Variants in FRAS1 observed in about 807,000 individuals in gnomAD.
The protein encoded by FRAS1 is Fraser extracellular matrix complex subunit 1, also known as extracellular matrix organizing protein FRAS1.
Under a neutral mutation model 435.2 loss-of-function variants are expected in FRAS1, and 290 were observed. That is an observed-to-expected ratio of 0.67 (90% CI 0.61 to 0.73). FRAS1 has a LOEUF of 0.73. FRAS1 is among the 30% of genes least tolerant of loss of function. FRAS1 has a pLI of 0.00. For missense variants in FRAS1, 4,860 were observed against 5,001.5 expected, an observed-to-expected ratio of 0.97 and a Z score of 0.85; for synonymous variants, 1,800 against 1,851.0, an observed-to-expected ratio of 0.97 and a Z score of 0.71.
intron 2 of FRAS1, among the ~76,000 whole-genome samples, chr4:78,145,879 C>G (rs1720399388): frequency 6.6e-6 from 1 of 152,120 alleles, no homozygotes; most frequent in Non-Finnish European, 1.5e-5. Flanking sequence ...CTCACGAGGT[C>G]TGATGATTTT....
rs1169614836 is a variant in FRAS1 at position 78,286,464 on chromosome 4, C to T, written c.1459C>T (p.Pro487Ser). ...GCTGGAGTGCTCATCCTGCCAGCCTCCCCTGCTGATGCGGCACGGGCAGTG... is the reference window on the plus strand; with the variant it reads ...GCTGGAGTGCTCATCCTGCCAGCCTTCCCTGCTGATGCGGCACGGGCAGTG... ...SGLECSSCQP[P>S]LLMRHGQCVP... Residue 487 changes from proline to serine, a missense_variant, in exon 14 of 74, where the codon CCC becomes TCC. Transcript: ENST00000512123. 3 of 1,613,582 alleles carry T rather than the reference C, an allele frequency of 1.9e-6. No homozygotes were observed. The highest frequency in any genetic ancestry group is 2.7e-5 in the African/African-American group (2 of 74,918).
chr4:78,511,931 C>T (rs1721055906), intron 64 of FRAS1, among the ~76,000 whole-genome samples: 1 of 152,196 alleles, frequency 6.6e-6, no homozygotes, highest in South Asian at 2.1e-4. Flanking sequence ...CTCCTGGCTT[C>T]TCTGGCACCT....
chr4:78,191,604 A>G (rs1207390173), intron 2 of FRAS1, among the ~76,000 whole-genome samples: 2 of 150,736 alleles, frequency 1.3e-5, no homozygotes, highest in Non-Finnish European at 2.9e-5. Flanking sequence ...GGTTTGTTAC[A>G]CATGTATACA....
chr4:78,192,029 T>C (rs1328878903), intron 2 of FRAS1, among the ~76,000 whole-genome samples: 1 of 152,206 alleles, frequency 6.6e-6, no homozygotes, highest in African/African-American at 2.4e-5. Context: ...TACAGCAGCA[T>C]GATTTATAAT....
intron 2 of FRAS1, among the ~76,000 whole-genome samples, chr4:78,133,953 G>GTTTT (rs776528593): frequency 6.7e-5 from 9 of 133,964 alleles, no homozygotes; most frequent in African/African-American, 2.0e-4. Context: ...GATGGACTAG[G>GTTTT]TTTTTTTTTT....
At chr4:78,163,734 G>C (rs547321299) in intron 2 of FRAS1, among the ~76,000 whole-genome samples, 1 of 152,214 alleles carries the variant, frequency 6.6e-6, no homozygotes, top group East Asian at 1.9e-4. Context: ...AAGTCACAAC[G>C]TGACATATGA....
intron 2 of FRAS1, among the ~76,000 whole-genome samples, chr4:78,180,578 T>C (rs2110049603): frequency 6.6e-6 from 1 of 152,304 alleles, no homozygotes. Context: ...AATGCATATT[T>C]GCAAGCAGCA....
chr4:78,214,002 G>A (rs1270328351), intron 2 of FRAS1, among the ~76,000 whole-genome samples: 4 of 152,198 alleles, frequency 2.6e-5, no homozygotes, highest in African/African-American at 9.7e-5. Flanking sequence ...AATTTAGCAC[G>A]GAGCTGGAAC....
intron 2 of FRAS1, among the ~76,000 whole-genome samples, chr4:78,115,553 C>T (rs2109949887): frequency 6.6e-6 from 1 of 152,182 alleles, no homozygotes; most frequent in Middle Eastern, 3.4e-3. Flanking sequence ...CTGGTTTGGT[C>T]TTGGGAGGGT....
chr4:78,124,497 T>A (rs1339365512), intron 2 of FRAS1, among the ~76,000 whole-genome samples: 1 of 152,186 alleles, frequency 6.6e-6, no homozygotes, highest in Non-Finnish European at 1.5e-5. Flanking sequence ...TAAAATGAGT[T>A]AGGGAGGATT....
At chr4:78,342,019 A>G (rs941693326) in intron 20 of FRAS1, among the ~76,000 whole-genome samples, 44 of 152,150 alleles carry the variant, frequency 2.9e-4, no homozygotes, top group Admixed American at 2.4e-3. Context: ...CTTTTATCTA[A>G]ACTCAGGAAG....
chr4:78,151,247 T>TA (rs1720648214), intron 2 of FRAS1, among the ~76,000 whole-genome samples: 1 of 152,198 alleles, frequency 6.6e-6, no homozygotes, highest in Non-Finnish European at 1.5e-5. Context: ...GCTTTTTTTT[T>TA]ACACCTCAGT....
At chr4:78,326,199 G>T (rs554928068) in intron 18 of FRAS1, among the ~76,000 whole-genome samples, 5 of 152,290 alleles carry the variant, frequency 3.3e-5, no homozygotes, top group African/African-American at 1.2e-4. Flanking sequence ...AACAGGGTAG[G>T]GCTGGTTAGG....
intron 2 of FRAS1, among the ~76,000 whole-genome samples, chr4:78,204,088 G>C (rs1455040940): frequency 3.3e-5 from 5 of 152,178 alleles, no homozygotes; most frequent in Admixed American, 3.3e-4. Flanking sequence ...TGTTGGCCAT[G>C]AGTTCAAAGT....
intron 32 of FRAS1, among the ~76,000 whole-genome samples, chr4:78,416,614 C>A: frequency 6.6e-6 from 1 of 151,992 alleles, no homozygotes; most frequent in East Asian, 1.9e-4. Context: ...CTGGGATATG[C>A]TGGTGAAGGG....
rs772863313 is a variant in FRAS1, at chr4:78,475,578, A to G, written c.7823A>G (p.Gln2608Arg). Residue 2608 changes from glutamine (Q) to arginine (R), a missense_variant, in exon 54 of 74, where the codon CAA (glutamine) becomes CGA (arginine). By Grantham distance (43) the Gln-to-Arg change is conservative. Coordinates refer to ENST00000512123, the MANE Select transcript of FRAS1 (RefSeq NM_025074.7). ...TCCAGGGTCAGCTCCCAACCTGGGC[A>G]ACAGGACTATGTAGAGTATGCTGGC... ...SSSRVSSQPG[Q>R]QDYVEYAGQV... 4.6e-5 allele frequency: 74 copies of G among 1,612,622 alleles called. No homozygotes were observed. In the East Asian group the frequency reaches 1.6e-3, roughly 35 times the overall value.
At chr4:78,535,270 C>G (rs951534809) in intron 71 of FRAS1, among the ~76,000 whole-genome samples, 2 of 152,158 alleles carry the variant, frequency 1.3e-5, no homozygotes, top group African/African-American at 4.8e-5. Context: ...TGAGTGCTGC[C>G]TCTGGTCATC....
chr4:78,234,000 C>A lies in FRAS1; in HGVS notation c.109-3510C>A, dbSNP rs190650033. Among the ~76,000 whole-genome samples, 165 of 152,276 alleles carry A rather than the reference C, an allele frequency of 1.1e-3. No individual in the cohort carries two copies. In the Middle Eastern group the frequency reaches 0.027, roughly 25 times the overall value. ...AGATGGCAGAGGTGGGAAAAGCCAC[C>A]CTCCCTCTATTCCACAATTGTCCCT... is the stretch of plus-strand genomic sequence containing the variant. On this transcript the variant is annotated intron_variant, in intron 2 of 73. Transcript: ENST00000512123.
rs752982460 is a variant in FRAS1, at chr4:78,374,107, T to C, written c.3011-4T>C. ...TTCCTGATGACTTGACTTTTGTCTT[T>C]CAGACTGTGACAGCTACTGTCTCCA... On this transcript the variant is annotated splice_region_variant and splice_polypyrimidine_tract_variant and intron_variant, in intron 24 of 73. Coordinates refer to ENST00000512123, the MANE Select transcript of FRAS1 (RefSeq NM_025074.7). 5 of 1,568,678 alleles carry C rather than the reference T, an allele frequency of 3.2e-6. No homozygotes were observed. The South Asian group carries it at 5.8e-5, about 18-fold the overall frequency.
Sources: gnomAD v4.1 joint callset for allele counts (sites outside exome capture counted in the v4.1 genomes callset) on GRCh38, gnomAD v4.1.1 for gene constraint, MANE v1.5 for transcripts, NCBI Gene and HGNC (gene_info 2026-07-23, HGNC 2026-07-21) for gene names.